Variants in ZNF423 observed in about 807,000 individuals in gnomAD.
ZNF423 encodes Ebf-associated zinc finger protein.
Under a neutral mutation model 95.8 loss-of-function variants are expected in ZNF423, and 12 were observed. The observed-to-expected ratio is 0.13, with a 90% CI of 0.08 to 0.20. The LOEUF is 0.20. Among genes scored for constraint, ZNF423 ranks in the 10% least tolerant of loss-of-function variants. ZNF423 has a pLI of 1.00. For missense variants in ZNF423, 1,316 were observed against 1,737.1 expected, an observed-to-expected ratio of 0.76 and a Z score of 4.31; for synonymous variants, 749 against 711.9, an observed-to-expected ratio of 1.05 and a Z score of -0.83.
intron 1 of ZNF423, chr16:49,854,461 C>G: frequency 1.0e-6 from 1 of 985,454 alleles, no homozygotes; most frequent in South Asian, 4.7e-5. Flanking sequence ...AGCGCCTTCC[C>G]GCGCAGGCCT....
At chr16:49,521,684 G>T (rs1354782209) in intron 7 of ZNF423, among the ~76,000 whole-genome samples, 1 of 152,222 alleles carries the variant, frequency 6.6e-6, no homozygotes, top group Non-Finnish European at 1.5e-5. Context: ...GTGACAATGG[G>T]ATAAAGGCCT....
Position 49,635,421 on chromosome 16 carries a change from T to C in ZNF423, c.3516+239A>G, listed in dbSNP as rs551445158. On this transcript the variant is annotated intron_variant, in intron 4 of 7. Coordinates refer to ENST00000563137, the MANE Select transcript of ZNF423 (RefSeq NM_001379286.1). The surrounding 1 kb of genome is among the most constrained non-coding windows in gnomAD (Gnocchi z 4.8). ...ACAATTATTATTCCCATTTTATACA[T>C]TAGCATTTGACAAATGAGACCCAGA... 1.3e-5 allele frequency among the ~76,000 whole-genome samples: 2 copies of C among 152,204 alleles called. No individual in the cohort carries two copies. The highest frequency in any genetic ancestry group is 2.9e-5 in the Non-Finnish European group (2 of 68,032).
chr16:49,680,495 G>A (rs2031305667), intron 3 of ZNF423, among the ~76,000 whole-genome samples: 1 of 152,244 alleles, frequency 6.6e-6, no homozygotes, highest in South Asian at 2.1e-4. Context: ...AAGAGCTGCA[G>A]CCCTTCGGTG....
chr16:49,789,092 C>A (rs535957024), intron 2 of ZNF423, among the ~76,000 whole-genome samples: 1 of 152,288 alleles, frequency 6.6e-6, no homozygotes, highest in African/African-American at 2.4e-5. Context: ...GCAGCCCCTT[C>A]CAGGGAGGGA....
intron 3 of ZNF423, among the ~76,000 whole-genome samples, chr16:49,677,287 A>AGAAGGGAAGGGAAGG (rs2031122149): frequency 1.2e-5 from 1 of 82,410 alleles, no homozygotes; most frequent in Non-Finnish European, 2.5e-5. Flanking sequence ...AGAAGAGAAG[A>AGAAGGGAAGGGAAGG]GAAGAGAAGA....
intron 3 of ZNF423, among the ~76,000 whole-genome samples, chr16:49,722,633 A>G (rs1459804615): frequency 6.6e-6 from 1 of 152,164 alleles, no homozygotes; most frequent in East Asian, 1.9e-4. Context: ...TGTTTTTTCT[A>G]TCTCATATCC....
chr16:49,502,857 A>C (rs1967469421), intron 7 of ZNF423, among the ~76,000 whole-genome samples: 1 of 120,832 alleles, frequency 8.3e-6, no homozygotes, highest in Non-Finnish European at 1.7e-5. Flanking sequence ...ACACACGGAT[A>C]CCCCCCAATC....
intron 1 of ZNF423, among the ~76,000 whole-genome samples, chr16:49,826,382 A>G (rs1328667134): frequency 6.6e-6 from 1 of 152,220 alleles, no homozygotes; most frequent in Non-Finnish European, 1.5e-5. Flanking sequence ...GGCACGCAGC[A>G]GCAGGGGCTA....
chr16:49,788,885 T>G (rs1246615434), intron 2 of ZNF423, among the ~76,000 whole-genome samples: 1 of 152,206 alleles, frequency 6.6e-6, no homozygotes, highest in African/African-American at 2.4e-5. Context: ...ATGGGAAGGC[T>G]CCAAGCTACA....
intron 5 of ZNF423, among the ~76,000 whole-genome samples, chr16:49,606,577 C>A (rs1404261759): frequency 6.6e-6 from 1 of 152,106 alleles, no homozygotes; most frequent in Non-Finnish European, 1.5e-5. Flanking sequence ...GGCTCAGGTC[C>A]CAGAGGGAGA....
chr16:49,857,522 A>C (rs2035384580), upstream of ZNF423, among the ~76,000 whole-genome samples: 1 of 152,088 alleles, frequency 6.6e-6, no homozygotes, highest in Non-Finnish European at 1.5e-5. This position sits in a 1 kb window ranked among gnomAD's most constrained non-coding sequence, Gnocchi z 6.2. Context: ...TAGTATTGCC[A>C]CCTCGCGATG....
intron 1 of ZNF423, among the ~76,000 whole-genome samples, chr16:49,828,784 T>C (rs77139085): frequency 0.01 from 1,577 of 152,330 alleles, 34 homozygotes; most frequent in African/African-American, 0.035. Context: ...GGCCATCATC[T>C]GTCCCACAAC....
chr16:49,796,666 T>C (rs1260802433), intron 1 of ZNF423, among the ~76,000 whole-genome samples: 2 of 152,080 alleles, frequency 1.3e-5, no homozygotes, highest in East Asian at 3.9e-4. Flanking sequence ...CAGAGGCTAG[T>C]GCTGGTCCAA....
chr16:49,645,755 T>A (rs1596782726), intron 3 of ZNF423, among the ~76,000 whole-genome samples: 1 of 152,184 alleles, frequency 6.6e-6, no homozygotes, highest in South Asian at 2.1e-4. Context: ...TGGTGGGAGG[T>A]AACTGAATCA....
intron 5 of ZNF423, among the ~76,000 whole-genome samples, chr16:49,562,654 T>C (rs1970055359): frequency 6.6e-6 from 1 of 152,264 alleles, no homozygotes; most frequent in Admixed American, 6.5e-5. Context: ...AAGAGATTCA[T>C]GAACGGATTC....
intron 2 of ZNF423, among the ~76,000 whole-genome samples, chr16:49,764,888 C>T (rs2033900530): frequency 6.6e-6 from 1 of 151,728 alleles, no homozygotes; most frequent in African/African-American, 2.4e-5. Context: ...GCTGGGATTA[C>T]AGGTGTGCGC....
Position 49,637,052 on chromosome 16 carries a change from T to C in ZNF423, c.2124A>G (p.Gln708=), listed in dbSNP as rs906436103. ...TCTGCAGGTCATCCACCGAGGAAAA[T>C]TGCTTGTCGCAGCTCTCGCACACAT... ...THYVCESCDK[Q]FSSVDDLQKH... The change falls in exon 4 of 8, where the codon CAA becomes CAG. Residue 708 remains glutamine (Q), a synonymous_variant. Coordinates refer to ENST00000563137, the MANE Select transcript of ZNF423 (RefSeq NM_001379286.1). The surrounding 1 kb of genome is among the most constrained non-coding windows in gnomAD (Gnocchi z 5.6). 2 of 1,613,668 alleles carry C rather than the reference T, an allele frequency of 1.2e-6. No individual in the cohort carries two copies. The highest frequency in any genetic ancestry group is 1.3e-5 in the African/African-American group (1 of 74,904).
At chr16:49,527,122 C>T (rs1195263096) in intron 5 of ZNF423, among the ~76,000 whole-genome samples, 2 of 152,184 alleles carry the variant, frequency 1.3e-5, no homozygotes, top group South Asian at 4.1e-4. Context: ...GGCATTCCCC[C>T]TGGCCCAGCC....
chr16:49,690,213 T>C (rs2031726137), intron 3 of ZNF423, among the ~76,000 whole-genome samples: 1 of 152,162 alleles, frequency 6.6e-6, no homozygotes, highest in African/African-American at 2.4e-5. Flanking sequence ...AAACTGTGGC[T>C]CACAAATACG....
Sources: gnomAD v4.1 joint callset for allele counts (sites outside exome capture counted in the v4.1 genomes callset) on GRCh38, gnomAD v4.1.1 for gene constraint, Gnocchi (gnomAD v3.1) non-coding constraint, MANE v1.5 for transcripts, NCBI Gene and HGNC (gene_info 2026-07-23, HGNC 2026-07-21) for gene names.